Variants in UBAP2 observed in about 807,000 individuals in gnomAD.
The protein encoded by UBAP2 is ubiquitin-associated protein 2.
A neutral mutation model predicts 139.6 loss-of-function variants in UBAP2; 75 were observed. The observed-to-expected ratio is 0.54, with a 90% CI of 0.45 to 0.65. The LOEUF (loss-of-function observed/expected upper bound fraction) is 0.65. UBAP2 is among the 30% of genes least tolerant of loss of function. UBAP2 has a pLI of 0.00. For synonymous variants in UBAP2, 526 were observed against 526.2 expected, an observed-to-expected ratio of 1.00 and a Z score of 0.01; for missense variants, 1,368 against 1,369.6, an observed-to-expected ratio of 1.00 and a Z score of 0.02.
chr9:34,012,905 G>A (rs1823886129), intron 2 of UBAP2, among the ~76,000 whole-genome samples: 1 of 151,266 alleles, frequency 6.6e-6, no homozygotes, highest in Non-Finnish European at 1.5e-5. Context: ...AATCCGGGCA[G>A]TTTGGGAAGC....
In UBAP2 at chr9:33,944,358, T is replaced by G; in HGVS notation, c.1545+7A>C. The G allele has an allele frequency of 6.2e-7, 1 of 1,608,948 alleles. No homozygotes were observed. Among genetic ancestry groups the G allele is most frequent in the Non-Finnish European group, 8.5e-7 (1 of 1,175,728 alleles). On this transcript the variant is annotated splice_region_variant and intron_variant, in intron 14 of 28. Coordinates refer to ENST00000379238, the MANE Select transcript of UBAP2 (RefSeq NM_001370062.2). Reference sequence around the variant, plus strand: ...TTAGGACGGTGACTTCATGATGAAATGCCCACCTTAGAAGCTGGGGGTATC... The same window carrying G: ...TTAGGACGGTGACTTCATGATGAAAGGCCCACCTTAGAAGCTGGGGGTATC...
Position 34,006,699 on chromosome 9 carries a change from G to A in UBAP2, c.100-7835C>T, listed in dbSNP as rs571250315. 4.7e-4 allele frequency among the ~76,000 whole-genome samples: 71 copies of A among 151,958 alleles called. 1 individual carries two copies. The highest frequency in any genetic ancestry group is 1.5e-3 in the African/African-American group (62 of 41,464). ...CTTGTCTCAAAAAAAAAAAGATAAC[G>A]TAAAGAAAATGTGGGCCTAGCACTT... On this transcript the variant is annotated intron_variant, in intron 2 of 28. Coordinates refer to ENST00000379238, the MANE Select transcript of UBAP2 (RefSeq NM_001370062.2).
rs1469959244 is a variant in UBAP2, at chr9:33,922,468, AT to A, written c.*35del. 1 of 1,599,110 alleles carries A rather than the reference AT, an allele frequency of 6.3e-7. No homozygotes were observed. The highest frequency in any genetic ancestry group is 1.3e-5 in the African/African-American group (1 of 74,578). On this transcript the variant is annotated 3_prime_UTR_variant, in exon 29 of 29. Coordinates refer to ENST00000379238, the MANE Select transcript of UBAP2 (RefSeq NM_001370062.2). Reference sequence around the variant, plus strand: ...GCTCGTGTGTTCTCTCCTGCCCAGGATAAGCCTTGCCCCAGCCCACCCCTCT... The same window carrying A: ...GCTCGTGTGTTCTCTCCTGCCCAGGAAAGCCTTGCCCCAGCCCACCCCTCT...
At chr9:33,977,626 C>T (rs1004651603) in intron 6 of UBAP2, among the ~76,000 whole-genome samples, 17 of 151,690 alleles carry the variant, frequency 1.1e-4, no homozygotes, top group Non-Finnish European at 1.0e-4. Context: ...CTCCTCAAGC[C>T]CTGGGACTCT....
intron 3 of UBAP2, chr9:33,998,189 G>C (rs961481821): frequency 6.6e-6 from 1 of 152,262 alleles, no homozygotes; most frequent in Admixed American, 6.6e-5. Flanking sequence ...CTTGAGCCCA[G>C]GAATTCAAGA....
At position 33,998,912 on chromosome 9, in the gene UBAP2, G is replaced by A. The variant is rs774136918; in HGVS notation, c.100-48C>T. ...AAGGATTTGAACACCAAAAGCATAA[G>A]TTAGATTCCAAAATCTGGGTCAAAC... On this transcript the variant is annotated intron_variant, in intron 2 of 28. Transcript: ENST00000379238. The A allele has an allele frequency of 1.1e-5, 16 of 1,522,854 alleles. No homozygotes were observed. The South Asian group carries it at 1.9e-4, about 18-fold the overall frequency. The allele number at this position is 1,522,854 out of a possible 1,614,324, so 94.3% of individuals were successfully genotyped here. A position where few individuals can be genotyped will look rare whatever the true frequency, so the allele number is the denominator to read the frequency against.
rs1321174650 is a variant in UBAP2, at chr9:34,016,370, C to CGGCGGCGGTGGTGGTGGTGGT, written c.99+679_99+680insACCACCACCACCACCGCCGCC. Among the ~76,000 whole-genome samples, 20 of 93,690 alleles carry CGGCGGCGGTGGTGGTGGTGGT rather than the reference C, an allele frequency of 2.1e-4. 2 individuals carry two copies. The highest frequency in any genetic ancestry group is 5.9e-4 in the Admixed American group (5 of 8,518). 61.5% of individuals were successfully genotyped at this position (93,690 alleles called of 152,430 possible). A position where few individuals can be genotyped will look rare whatever the true frequency, so the allele number is the denominator to read the frequency against. ...GAGGAGGCAGCAGCGGCGGCAGCGG[C>CGGCGGCGGTGGTGGTGGTGGT]GGTGGTGGTGGTGGTGGTGGTGGTG... On this transcript the variant is annotated intron_variant, in intron 2 of 28. Coordinates refer to ENST00000379238, the MANE Select transcript of UBAP2 (RefSeq NM_001370062.2).
intron 4 of UBAP2, among the ~76,000 whole-genome samples, chr9:33,992,474 T>C (rs934326735): frequency 1.3e-5 from 2 of 150,686 alleles, no homozygotes; most frequent in Admixed American, 6.6e-5. Context: ...GCAGGAGAAC[T>C]GCTTGAACCT....
At chr9:34,037,050 A>C (rs1587698242) in intron 1 of UBAP2, among the ~76,000 whole-genome samples, 1 of 140,804 alleles carries the variant, frequency 7.1e-6, no homozygotes, top group Non-Finnish European at 1.5e-5. Context: ...GTGCAGTGGC[A>C]CAATCTCGGC....
chr9:33,943,199 A>G (rs1825381908), intron 15 of UBAP2, among the ~76,000 whole-genome samples: 1 of 152,208 alleles, frequency 6.6e-6, no homozygotes, highest in East Asian at 1.9e-4. Flanking sequence ...AGTTATATGA[A>G]ATGTCCAGGT....
At chr9:33,980,106 A>T (rs959449273) in intron 6 of UBAP2, among the ~76,000 whole-genome samples, 1 of 151,896 alleles carries the variant, frequency 6.6e-6, no homozygotes, top group African/African-American at 2.4e-5. Flanking sequence ...ATGGAATCAA[A>T]TCTTCAAGCA....
intron 1 of UBAP2, among the ~76,000 whole-genome samples, chr9:34,039,833 T>A: frequency 1.2e-5 from 1 of 80,696 alleles, no homozygotes; most frequent in African/African-American, 4.8e-5. Flanking sequence ...CACCCAAGAA[T>A]GATCAATAAA....
rs1461743702 is a variant in UBAP2 at position 33,943,411 on chromosome 9, A to C, written c.1715+9T>G. 5.6e-6 allele frequency: 9 copies of C among 1,613,788 alleles called. No individual in the cohort carries two copies. In the Admixed American group the frequency reaches 6.7e-5, roughly 12 times the overall value. ...ATTTTGCTTCATAACAAAGGACTAA[A>C]TTCAGTACCTTAAAGACTTCGAATA... On this transcript the variant is annotated intron_variant, in intron 15 of 28. Transcript: ENST00000379238.
rs985047313 is a variant in UBAP2 at position 33,921,850 on chromosome 9, T to A, written c.*654A>T. On this transcript the variant is annotated 3_prime_UTR_variant, in exon 29 of 29. Coordinates refer to ENST00000379238, the MANE Select transcript of UBAP2 (RefSeq NM_001370062.2). Reference sequence around the variant, plus strand: ...CTGGCTGAATAACTCAGATTATTTTTTTTTTTTTCATGGTCAGCCAGTCTC... The same window carrying A: ...CTGGCTGAATAACTCAGATTATTTTATTTTTTTTCATGGTCAGCCAGTCTC... 6.6e-6 allele frequency: 1 copy of A among 152,548 alleles called. No individual in the cohort carries two copies. The highest frequency in any genetic ancestry group is 2.4e-5 in the African/African-American group (1 of 41,428). The allele number at this position is 152,548 out of a possible 1,614,324, so 9.4% of individuals were successfully genotyped here. A position where few individuals can be genotyped will look rare whatever the true frequency, so the allele number is the denominator to read the frequency against.
chr9:34,023,219 C>CAA lies in UBAP2; in HGVS notation c.-41-6032_-41-6031dup, dbSNP rs773859149. Among the ~76,000 whole-genome samples, 361 of 95,276 alleles carry CAA rather than the reference C, an allele frequency of 3.8e-3. 2 individuals are homozygous for CAA. The highest frequency in any genetic ancestry group is 7.2e-3 in the South Asian group (21 of 2,936). The allele number at this position is 95,276 out of a possible 152,430, so 62.5% of individuals were successfully genotyped here. A position where few individuals can be genotyped will look rare whatever the true frequency, so the allele number is the denominator to read the frequency against. On this transcript the variant is annotated intron_variant, in intron 1 of 28. Coordinates refer to ENST00000379238, the MANE Select transcript of UBAP2 (RefSeq NM_001370062.2). ...CCAGGGAAACAGAGCAAGACTGTCT[C>CAA]AAAAAAAAAAAAAAAGAAAGAAAAT... is the stretch of plus-strand genomic sequence containing the variant.
intron 9 of UBAP2, among the ~76,000 whole-genome samples, chr9:33,961,554 G>C (rs999369070): frequency 1.1e-4 from 16 of 151,996 alleles, no homozygotes; most frequent in African/African-American, 3.9e-4. Flanking sequence ...CTTACTTACA[G>C]ATCTTATATA....
chr9:33,946,319 C>A (rs1370082608), intron 13 of UBAP2, among the ~76,000 whole-genome samples: 1 of 151,948 alleles, frequency 6.6e-6, no homozygotes, highest in East Asian at 1.9e-4. Context: ...GTGTTTTCTG[C>A]CATACCCAGA....
At chr9:33,979,235 C>T (rs977150632) in intron 6 of UBAP2, among the ~76,000 whole-genome samples, 4 of 152,034 alleles carry the variant, frequency 2.6e-5, no homozygotes, top group Non-Finnish European at 5.9e-5. Flanking sequence ...GAGACCCTGT[C>T]TCTAAAAAAA....
chr9:33,929,370 T>C (rs896197663), intron 19 of UBAP2, among the ~76,000 whole-genome samples: 2 of 152,190 alleles, frequency 1.3e-5, no homozygotes, highest in Non-Finnish European at 2.9e-5. Flanking sequence ...CTGGCCCTCA[T>C]CTTCCAGAAC....
Sources: allele counts gnomAD v4.1 joint callset (sites outside exome capture counted in the v4.1 genomes callset), GRCh38; gene constraint gnomAD v4.1.1; transcripts MANE v1.5; gene names NCBI Gene and HGNC (gene_info 2026-07-23, HGNC 2026-07-21).